Variants in KLHL1 observed in about 807,000 individuals in gnomAD.
KLHL1 encodes kelch-like protein 1.
Under a neutral mutation model 77.7 loss-of-function variants are expected in KLHL1, and 47 were observed. That is an observed-to-expected ratio of 0.60 (90% confidence interval 0.48 to 0.77). KLHL1 has a LOEUF of 0.77. Among genes scored for constraint, KLHL1 ranks in the 30% least tolerant of loss-of-function variants. The probability of loss-of-function intolerance (pLI) is 0.00; values close to 1 mark genes in which losing one functional copy is unlikely to be tolerated. For synonymous variants in KLHL1, 360 were observed against 325.2 expected (o/e 1.11, Z -1.15); for missense variants, 925 against 910.8 (o/e 1.02, Z -0.20).
chr13:69,758,037 T>C (rs1874846247), intron 7 of KLHL1, among the ~76,000 whole-genome samples: 1 of 151,336 alleles, frequency 6.6e-6, no homozygotes, highest in Admixed American at 6.6e-5. Flanking sequence ...TAATAAAAGG[T>C]TTTTTAAAAG....
intron 1 of KLHL1, among the ~76,000 whole-genome samples, chr13:70,039,451 G>A (rs1303856068): frequency 2.0e-5 from 3 of 151,810 alleles, no homozygotes; most frequent in Admixed American, 6.6e-5. Context: ...CATTAATGTG[G>A]CATAAATAAT....
chr13:69,763,674 G>A (rs1034356330), intron 7 of KLHL1, among the ~76,000 whole-genome samples: 2 of 152,174 alleles, frequency 1.3e-5, no homozygotes, highest in African/African-American at 4.8e-5. Context: ...GTGAGAACCT[G>A]ACCAAAAATG....
At chr13:69,859,475 G>C (rs1880051877) in intron 5 of KLHL1, among the ~76,000 whole-genome samples, 6 of 151,958 alleles carry the variant, frequency 3.9e-5, no homozygotes, top group Admixed American at 3.9e-4. Flanking sequence ...AGCTCCAGTA[G>C]GGCAGACGCT....
chr13:69,982,799 T>C (rs568448872), intron 1 of KLHL1, among the ~76,000 whole-genome samples: 1 of 151,642 alleles, frequency 6.6e-6, no homozygotes, highest in East Asian at 1.9e-4. Context: ...AGAGGGTCAT[T>C]ATATGATGAT....
intron 5 of KLHL1, among the ~76,000 whole-genome samples, chr13:69,865,809 T>C (rs969729375): frequency 3.9e-5 from 6 of 152,130 alleles, no homozygotes; most frequent in African/African-American, 1.4e-4. Flanking sequence ...GGACAAAATA[T>C]CATTCCACTC....
At chr13:69,970,540 C>T (rs1234813369) in intron 2 of KLHL1, among the ~76,000 whole-genome samples, 2 of 152,076 alleles carry the variant, frequency 1.3e-5, no homozygotes, top group African/African-American at 2.4e-5. Context: ...TTTTCAGGAA[C>T]TGGACTTGGC....
intron 4 of KLHL1, among the ~76,000 whole-genome samples, chr13:69,909,895 T>C (rs1447293339): frequency 6.6e-6 from 1 of 152,140 alleles, no homozygotes; most frequent in African/African-American, 2.4e-5. Context: ...CTGTGAGGCA[T>C]TCAGTCAACC....
At chr13:69,900,957 A>C (rs1286113270) in intron 4 of KLHL1, among the ~76,000 whole-genome samples, 2 of 152,140 alleles carry the variant, frequency 1.3e-5, no homozygotes, top group Non-Finnish European at 2.9e-5. Flanking sequence ...TGCATATCCC[A>C]AAAAAACCTT....
chr13:69,950,049 C>T (rs1883657929), intron 3 of KLHL1, among the ~76,000 whole-genome samples: 1 of 151,602 alleles, frequency 6.6e-6, no homozygotes, highest in Admixed American at 6.6e-5. Flanking sequence ...AATCTGTAAA[C>T]CATGTCATAC....
chr13:69,869,560 C>T (rs938774726), intron 5 of KLHL1, among the ~76,000 whole-genome samples: 1 of 152,006 alleles, frequency 6.6e-6, no homozygotes, highest in Admixed American at 6.6e-5. Context: ...TTTTGGGTGA[C>T]CTCTAGGTCT....
chr13:70,008,505 T>A (rs1415456924), intron 1 of KLHL1, among the ~76,000 whole-genome samples: 1 of 152,084 alleles, frequency 6.6e-6, no homozygotes, highest in Non-Finnish European at 1.5e-5. Context: ...TGCACCCAAA[T>A]ATGCATGTTT....
intron 4 of KLHL1, among the ~76,000 whole-genome samples, chr13:69,929,287 A>G (rs772572421): frequency 1.3e-5 from 2 of 151,954 alleles, no homozygotes; most frequent in African/African-American, 2.4e-5. Flanking sequence ...AAGAATTGAA[A>G]TTATTCTGTG....
intron 1 of KLHL1, among the ~76,000 whole-genome samples, chr13:70,080,184 T>C (rs961753126): frequency 6.6e-6 from 1 of 152,160 alleles, no homozygotes; most frequent in African/African-American, 2.4e-5. Context: ...TTTGTGTGTG[T>C]CTGCTAGTCT....
intron 6 of KLHL1, among the ~76,000 whole-genome samples, chr13:69,811,864 C>T (rs563717939): frequency 1.3e-5 from 2 of 152,240 alleles, no homozygotes; most frequent in East Asian, 1.9e-4. Flanking sequence ...CTCCTGGATT[C>T]ATTGATTTTT....
chr13:69,948,502 G>A (rs1026597422), intron 3 of KLHL1, among the ~76,000 whole-genome samples: 1 of 151,932 alleles, frequency 6.6e-6, no homozygotes, highest in African/African-American at 2.4e-5. Flanking sequence ...GGGACTAAAC[G>A]GGGAATACTT....
intron 1 of KLHL1, among the ~76,000 whole-genome samples, chr13:70,065,754 C>A (rs1421660839): frequency 2.0e-5 from 3 of 151,862 alleles, no homozygotes; most frequent in African/African-American, 7.3e-5. Flanking sequence ...ACTTTAATGC[C>A]AAAAACAGTG....
Position 69,987,436 on chromosome 13 carries a change from A to G in KLHL1, c.498-11634T>C, listed in dbSNP as rs149385586. Among the ~76,000 whole-genome samples the G allele has an allele frequency of 5.2e-4, 79 of 152,216 alleles. No homozygotes were observed. The South Asian group carries it at 0.016, about 31-fold the overall frequency. The stretch of plus-strand genomic sequence containing the variant: ...CTTAATGTCCTTTATTTATATTTTC[A>G]GCTATTCAATAAAAATCAGCTTTTT... On this transcript the variant is annotated intron_variant, in intron 1 of 10. Coordinates refer to ENST00000377844, the MANE Select transcript of KLHL1 (RefSeq NM_020866.3).
intron 2 of KLHL1, among the ~76,000 whole-genome samples, chr13:69,973,531 T>G (rs1357084981): frequency 6.6e-6 from 1 of 151,716 alleles, no homozygotes; most frequent in Non-Finnish European, 1.5e-5. Flanking sequence ...ACCACATACA[T>G]TTTGCTTAAA....
Position 69,921,479 on chromosome 13 carries a change from G to A in KLHL1, c.1014+18561C>T, listed in dbSNP as rs531047418. The stretch of plus-strand genomic sequence containing the variant: ...CCAGACTTATAATTATTTCTGAAGT[G>A]ATTTATAGTGCTCCAGATCCATGCA... On this transcript the variant is annotated intron_variant, in intron 4 of 10. Transcript: ENST00000377844. Among the ~76,000 whole-genome samples the A allele has an allele frequency of 5.3e-5, 8 of 152,230 alleles. No homozygotes were observed. In the East Asian group the frequency reaches 1.5e-3, roughly 29 times the overall value.
Sources: allele counts gnomAD v4.1 joint callset (sites outside exome capture counted in the v4.1 genomes callset), GRCh38; gene constraint gnomAD v4.1.1; transcripts MANE v1.5; gene names NCBI Gene and HGNC (gene_info 2026-07-23, HGNC 2026-07-21).